The following PID1 variants were observed in gnomAD, a reference collection of about 807,000 sequenced individuals.
The protein encoded by PID1 is phosphotyrosine interaction domain containing 1, also known as PTB-containing, cubilin and LRP1-interacting protein.
Under a neutral mutation model 19.1 loss-of-function variants are expected in PID1, and 10 were observed. The ratio of observed to expected loss-of-function variants is 0.52; its 90% CI spans 0.32 to 0.89. PID1 has a LOEUF of 0.89. Ranked by LOEUF, PID1 falls within the 40% of genes least tolerant of loss-of-function variation. The probability of loss-of-function intolerance (pLI) is 0.03; values close to 1 mark genes in which losing one functional copy is unlikely to be tolerated. For missense variants in PID1, 248 were observed against 285.3 expected, an observed-to-expected ratio of 0.87 and a Z score of 0.94; for synonymous variants, 130 against 116.0, an observed-to-expected ratio of 1.12 and a Z score of -0.78.
chr2:229,198,703 G>C (rs1449978197), intron 1 of PID1, among the ~76,000 whole-genome samples: 1 of 152,020 alleles, frequency 6.6e-6, no homozygotes, highest in Non-Finnish European at 1.5e-5. Flanking sequence ...CTCTCTGAGA[G>C]TTTACACCTT....
intron 2 of PID1, among the ~76,000 whole-genome samples, chr2:229,141,922 G>A (rs918912869): frequency 2.0e-5 from 3 of 151,910 alleles, no homozygotes; most frequent in Non-Finnish European, 4.4e-5. Context: ...GCACACCCAG[G>A]AACACATCTG....
At chr2:229,059,129 A>G (rs949057086) in intron 2 of PID1, among the ~76,000 whole-genome samples, 41 of 152,338 alleles carry the variant, frequency 2.7e-4, no homozygotes, top group African/African-American at 9.9e-4. Context: ...ATAGGACAAA[A>G]TACAAAAAAA....
At chr2:229,094,068 T>C (rs1219243828) in intron 2 of PID1, among the ~76,000 whole-genome samples, 1 of 152,156 alleles carries the variant, frequency 6.6e-6, no homozygotes, top group Non-Finnish European at 1.5e-5. Context: ...TCCAAAAGAT[T>C]CCTAGATTTA....
At chr2:229,231,560 AC>A (rs1295651767) in intron 1 of PID1, among the ~76,000 whole-genome samples, 2 of 152,126 alleles carry the variant, frequency 1.3e-5, no homozygotes, top group African/African-American at 4.8e-5. Flanking sequence ...ACAAGTGACG[AC>A]GATAGAGCCC....
At chr2:229,205,680 T>C (rs1415776591) in intron 1 of PID1, among the ~76,000 whole-genome samples, 4 of 152,090 alleles carry the variant, frequency 2.6e-5, no homozygotes, top group Admixed American at 2.0e-4. Flanking sequence ...GGGAGGTCAA[T>C]GCCACCATTT....
Position 229,048,807 on chromosome 2 carries a change from C to T in PID1, c.178-22699G>A, listed in dbSNP as rs577584939. Among the ~76,000 whole-genome samples, 16 of 152,074 alleles carry T rather than the reference C, an allele frequency of 1.1e-4. No homozygotes were observed. The East Asian group carries it at 2.3e-3, about 22-fold the overall frequency. ...TTTCCCAGACTCGAGTTTATGGATT[C>T]CTTCCAGTTTTTAAAGTAACAGTAT... On this transcript the variant is annotated intron_variant, in intron 2 of 2. Transcript: ENST00000392055.
At chr2:229,232,289 G>T (rs542946286) in intron 1 of PID1, among the ~76,000 whole-genome samples, 3 of 151,796 alleles carry the variant, frequency 2.0e-5, no homozygotes, top group East Asian at 3.9e-4. Context: ...AAAATTAGCT[G>T]GGTGTGGTGA....
chr2:229,074,603 G>A (rs1694521637), intron 2 of PID1, among the ~76,000 whole-genome samples: 1 of 152,154 alleles, frequency 6.6e-6, no homozygotes, highest in Admixed American at 6.5e-5. Flanking sequence ...TAATTCTTCA[G>A]TCAGGTGTGC....
intron 2 of PID1, among the ~76,000 whole-genome samples, chr2:229,078,850 G>T (rs1006494531): frequency 9.9e-5 from 15 of 151,488 alleles, no homozygotes; most frequent in Admixed American, 3.3e-4. Context: ...TTTCTTCCAG[G>T]TTATAATAAA....
intron 2 of PID1, among the ~76,000 whole-genome samples, chr2:229,085,727 A>G (rs1287274688): frequency 6.6e-6 from 1 of 152,172 alleles, no homozygotes; most frequent in African/African-American, 2.4e-5. Context: ...TTGTCCTTCA[A>G]CTAGTCAATT....
At chr2:229,030,157 A>T (rs1184959532) in intron 2 of PID1, among the ~76,000 whole-genome samples, 1 of 152,256 alleles carries the variant, frequency 6.6e-6, no homozygotes, top group African/African-American at 2.4e-5. Flanking sequence ...CACCAGCCAC[A>T]AAAAGACAAG....
chr2:229,145,820 A>T (rs972201092), intron 2 of PID1, among the ~76,000 whole-genome samples: 1 of 152,132 alleles, frequency 6.6e-6, no homozygotes, highest in Non-Finnish European at 1.5e-5. Flanking sequence ...AACAGGTTAA[A>T]AAAACCACAG....
chr2:229,137,894 AAG>A (rs1214021418), intron 2 of PID1, among the ~76,000 whole-genome samples: 3 of 152,216 alleles, frequency 2.0e-5, no homozygotes, highest in African/African-American at 7.2e-5. Flanking sequence ...GAATATTCAC[AAG>A]AGAGACTGTG....
chr2:229,168,132 C>G (rs1690639853), intron 1 of PID1, among the ~76,000 whole-genome samples: 1 of 152,146 alleles, frequency 6.6e-6, no homozygotes, highest in South Asian at 2.1e-4. Flanking sequence ...TATAATGAAG[C>G]CAGTTATATA....
rs1027565995 is a variant in PID1, at chr2:229,110,652, A to T, written c.177+45166T>A. ...AGAGGAACTCTAAAAATCTTGATGAAAATGGTTAGATAATATAGTAATTAT... is the reference window on the plus strand; with the variant it reads ...AGAGGAACTCTAAAAATCTTGATGATAATGGTTAGATAATATAGTAATTAT... On this transcript the variant is annotated intron_variant, in intron 2 of 2. Coordinates refer to ENST00000392055, the MANE Select transcript of PID1 (RefSeq NM_001100818.2). Among the ~76,000 whole-genome samples the T allele has an allele frequency of 1.6e-4, 24 of 152,218 alleles. 1 individual carries two copies. Among genetic ancestry groups the T allele is most frequent in the African/African-American group, 5.3e-4 (22 of 41,458 alleles).
intron 1 of PID1, among the ~76,000 whole-genome samples, chr2:229,252,400 C>T (rs542851541): frequency 6.6e-6 from 1 of 152,216 alleles, no homozygotes; most frequent in Admixed American, 6.5e-5. Flanking sequence ...AAGACTCCCT[C>T]TAAGTTTCAT....
chr2:229,259,377 A>AT (rs765831322), intron 1 of PID1, among the ~76,000 whole-genome samples: 38 of 152,080 alleles, frequency 2.5e-4, no homozygotes, highest in Middle Eastern at 3.4e-3. Context: ...ATAAAGTCCA[A>AT]TTTTTTCTTT....
intron 1 of PID1, among the ~76,000 whole-genome samples, chr2:229,256,357 A>G (rs1690295041): frequency 6.6e-6 from 1 of 152,248 alleles, no homozygotes; most frequent in African/African-American, 2.4e-5. Context: ...AAGATTTTAT[A>G]TATTGAAGGA....
chr2:229,101,578 T>A (rs193073730), intron 2 of PID1, among the ~76,000 whole-genome samples: 7 of 152,370 alleles, frequency 4.6e-5, no homozygotes, highest in Admixed American at 1.3e-4. Flanking sequence ...TTACCTCATT[T>A]AAATTTGCAA....
Sources: gnomAD v4.1 joint callset for allele counts (sites outside exome capture counted in the v4.1 genomes callset) on GRCh38, gnomAD v4.1.1 for gene constraint, MANE v1.5 for transcripts, NCBI Gene and HGNC (gene_info 2026-07-23, HGNC 2026-07-21) for gene names.